The following SGK1 variants were observed in gnomAD, a reference collection of about 807,000 sequenced individuals.
SGK1 encodes the protein serine/threonine-protein kinase Sgk1.
SGK1 carries 26 observed loss-of-function variants against 64.2 expected under a neutral mutation model. The observed-to-expected ratio is 0.40, with a 90% confidence interval of 0.30 to 0.56. The LOEUF is 0.56. Ranked by LOEUF, SGK1 falls within the 20% of genes least tolerant of loss-of-function variation. The pLI is 0.38. For synonymous variants in SGK1, 265 were observed against 239.7 expected, an observed-to-expected ratio of 1.11 and a Z score of -0.98; for missense variants, 519 against 645.6, an observed-to-expected ratio of 0.80 and a Z score of 2.12.
intron 1 of SGK1, among the ~76,000 whole-genome samples, chr6:134,271,076 G>GATATGTACTTTTTTTA: frequency 7.6e-6 from 1 of 131,188 alleles, no homozygotes. Context: ...CAGTGCTTTG[G>GATATGTACTTTTTTTA]GAGGCCGAGG....
chr6:134,246,323 A>AT lies in SGK1; in HGVS notation c.285+15609dup, dbSNP rs112628120. Among the ~76,000 whole-genome samples, 773 of 141,782 alleles carry AT rather than the reference A, an allele frequency of 5.5e-3. 13 individuals are homozygous for AT. The highest frequency in any genetic ancestry group is 0.017 in the African/African-American group (652 of 39,002). 93.0% of individuals were successfully genotyped at this position (141,782 alleles called of 152,430 possible). ...GCCACCCCGCCTGGCTAATTTTTGTATTTTTTTTTTTTTAGTAGAGAAGGG... is the reference window on the plus strand; with the variant it reads ...GCCACCCCGCCTGGCTAATTTTTGTATTTTTTTTTTTTTTAGTAGAGAAGGG... On this transcript the variant is annotated intron_variant, in intron 2 of 13. Coordinates refer to ENST00000367858, the MANE Select transcript of SGK1 (RefSeq NM_001143676.3).
intron 2 of SGK1, among the ~76,000 whole-genome samples, chr6:134,227,525 C>A (rs1044779676): frequency 1.3e-5 from 2 of 152,216 alleles, no homozygotes; most frequent in Non-Finnish European, 2.9e-5. Context: ...AAGTGGAGGG[C>A]ATTGCTGGAA....
intron 3 of SGK1, among the ~76,000 whole-genome samples, chr6:134,185,205 T>C (rs1479935299): frequency 2.0e-5 from 3 of 152,238 alleles, no homozygotes; most frequent in African/African-American, 4.8e-5. Flanking sequence ...AGAACTTTTC[T>C]TCCTGCCAGG....
intron 2 of SGK1, among the ~76,000 whole-genome samples, chr6:134,241,821 C>T (rs1320628583): frequency 5.3e-5 from 8 of 151,346 alleles, no homozygotes; most frequent in South Asian, 4.2e-4. Flanking sequence ...GGCGTTTCAC[C>T]GCGTTAGCCA....
At chr6:134,170,755 C>T in intron 13 of SGK1, 71 bp downstream of exon 13, 1 of 1,027,186 alleles carries the variant, frequency 9.7e-7, no homozygotes, top group Non-Finnish European at 1.5e-6. Flanking sequence ...CCAACCCTCC[C>T]CCAGACAATT....
At chr6:134,292,620 G>C (rs915606371) in intron 1 of SGK1, among the ~76,000 whole-genome samples, 10 of 152,158 alleles carry the variant, frequency 6.6e-5, no homozygotes, top group Middle Eastern at 3.4e-3. Context: ...CCCAGGAATA[G>C]GTTATATGTT....
At chr6:134,241,811 G>A (rs1172876156) in intron 2 of SGK1, among the ~76,000 whole-genome samples, 3 of 151,352 alleles carry the variant, frequency 2.0e-5, no homozygotes, top group African/African-American at 4.9e-5. Flanking sequence ...TAGTAGAGAC[G>A]GCGTTTCACC....
intron 2 of SGK1, among the ~76,000 whole-genome samples, chr6:134,247,670 T>C (rs554453887): frequency 1.3e-5 from 2 of 152,278 alleles, no homozygotes; most frequent in South Asian, 4.1e-4. Flanking sequence ...AAGCAGGTGC[T>C]AGATTGATGT....
chr6:134,311,190 G>A (rs1380886265), intron 1 of SGK1, among the ~76,000 whole-genome samples: 1 of 152,196 alleles, frequency 6.6e-6, no homozygotes, highest in East Asian at 1.9e-4. Context: ...AGCCACCAAA[G>A]CCTGTTTAAA....
intron 3 of SGK1, among the ~76,000 whole-genome samples, chr6:134,184,253 C>T (rs1028834521): frequency 6.6e-6 from 1 of 152,006 alleles, no homozygotes. Context: ...AATATCAGAA[C>T]TTTGGGAGGC....
At chr6:134,176,515 C>T (rs1775237773) in intron 3 of SGK1, among the ~76,000 whole-genome samples, 1 of 152,208 alleles carries the variant, frequency 6.6e-6, no homozygotes, top group South Asian at 2.1e-4. Flanking sequence ...TGAGCCAGTG[C>T]TGGCCGGGAA....
In SGK1 at chr6:134,263,983, A is replaced by G. The variant is rs112066183; in HGVS notation, c.70-1835T>C. On this transcript the variant is annotated intron_variant, in intron 1 of 13. Transcript: ENST00000367858. The stretch of plus-strand genomic sequence containing the variant: ...TTTTATAAGAAAGGTACTATTTTCA[A>G]TCCCATTATACAGATGGAAAAACAA... Among the ~76,000 whole-genome samples, 1,463 of 152,310 alleles carry G rather than the reference A, an allele frequency of 9.6e-3. 25 individuals carry two copies. Among genetic ancestry groups the G allele is most frequent in the African/African-American group, 0.033 (1,382 of 41,558 alleles).
At chr6:134,220,868 G>T (rs1776079814) in intron 2 of SGK1, among the ~76,000 whole-genome samples, 1 of 151,812 alleles carries the variant, frequency 6.6e-6, no homozygotes. Context: ...TGTAGTTTCG[G>T]CTACTCTGGA....
At chr6:134,305,497 C>G (rs1015337204) in intron 1 of SGK1, among the ~76,000 whole-genome samples, 9 of 149,574 alleles carry the variant, frequency 6.0e-5, no homozygotes, top group Non-Finnish European at 1.3e-4. Context: ...CACTTGAACC[C>G]AGGAAGCAGA....
chr6:134,299,519 G>A (rs1777413887), intron 1 of SGK1, among the ~76,000 whole-genome samples: 1 of 152,160 alleles, frequency 6.6e-6, no homozygotes, highest in South Asian at 2.1e-4. Context: ...GATCAGAGGT[G>A]GGGAGTTATG....
intron 2 of SGK1, among the ~76,000 whole-genome samples, chr6:134,235,439 AC>A (rs1367679562): frequency 1.8e-4 from 27 of 152,096 alleles, no homozygotes; most frequent in African/African-American, 6.3e-4. Flanking sequence ...GTAACTTCAA[AC>A]CCTGTTTAGA....
chr6:134,208,791 C>T (rs1775835257), intron 2 of SGK1, among the ~76,000 whole-genome samples: 1 of 150,892 alleles, frequency 6.6e-6, no homozygotes, highest in Non-Finnish European at 1.5e-5. Flanking sequence ...TAGATATACA[C>T]ACACACATAC....
chr6:134,247,428 C>G (rs772710801), intron 2 of SGK1, among the ~76,000 whole-genome samples: 43 of 152,112 alleles, frequency 2.8e-4, no homozygotes, highest in Non-Finnish European at 4.4e-4. Context: ...TGGCCCTCCA[C>G]AAAGCCACAA....
At chr6:134,306,215 G>A (rs1195125670) in intron 1 of SGK1, among the ~76,000 whole-genome samples, 1 of 152,156 alleles carries the variant, frequency 6.6e-6, no homozygotes, top group Non-Finnish European at 1.5e-5. Flanking sequence ...CTGAGGTCAA[G>A]AGTTCGAGAC....
Sources: allele counts gnomAD v4.1 joint callset (sites outside exome capture counted in the v4.1 genomes callset), GRCh38; gene constraint gnomAD v4.1.1; transcripts MANE v1.5; gene names NCBI Gene and HGNC (gene_info 2026-07-23, HGNC 2026-07-21).